The following GABRG2 variants were observed in gnomAD, a reference collection of about 807,000 sequenced individuals.
GABRG2 encodes the protein gamma-aminobutyric acid receptor subunit gamma-2.
A neutral mutation model predicts 56.4 loss-of-function variants in GABRG2; 16 were observed. The ratio of observed to expected loss-of-function variants is 0.28; its 90% confidence interval spans 0.19 to 0.43. GABRG2 has a LOEUF of 0.43. Ranked by LOEUF, GABRG2 falls within the 20% of genes least tolerant of loss-of-function variation. The pLI is 1.00. For synonymous variants in GABRG2, 208 were observed against 205.5 expected, an observed-to-expected ratio of 1.01 and a Z score of -0.10; for missense variants, 327 against 582.7, an observed-to-expected ratio of 0.56 and a Z score of 4.52.
At chr5:162,117,424 T>A (rs1014207350) in intron 6 of GABRG2, among the ~76,000 whole-genome samples, 1 of 152,146 alleles carries the variant, frequency 6.6e-6, no homozygotes, top group African/African-American at 2.4e-5. Flanking sequence ...TTGTCTTGAT[T>A]GTTATTATTC....
rs1187173698 is a variant in GABRG2, at chr5:162,153,373, G to A, written c.*5G>A. ...GTCTCCTACCTCTACCTGTGAGGAG[G>A]TATGGGTTTTACTGATATGGTTCTT... is the stretch of plus-strand genomic sequence containing the variant. On this transcript the variant is annotated 3_prime_UTR_variant, in exon 10 of 10. Transcript: ENST00000639213. The A allele has an allele frequency of 1.8e-5, 29 of 1,613,726 alleles. No individual in the cohort carries two copies. The highest frequency in any genetic ancestry group is 2.4e-5 in the Non-Finnish European group (28 of 1,179,800).
Position 162,077,680 on chromosome 5 carries a change from G to T in GABRG2, c.107+9574G>T, listed in dbSNP as rs142504718. On this transcript the variant is annotated intron_variant, in intron 1 of 9. Coordinates refer to ENST00000639213, the MANE Select transcript of GABRG2 (RefSeq NM_198904.4). Reference sequence around the variant, plus strand: ...GTTAGCAGTTTAAAATAAGAAACACGTCTTATTTTGCAGTGTCTGAGGAGC... The same window carrying T: ...GTTAGCAGTTTAAAATAAGAAACACTTCTTATTTTGCAGTGTCTGAGGAGC... Among the ~76,000 whole-genome samples, 7 of 152,234 alleles carry T rather than the reference G, an allele frequency of 4.6e-5. No homozygotes were observed. The South Asian group carries it at 1.2e-3, about 27-fold the overall frequency.
chr5:162,142,879 C>T (rs1764685283), intron 7 of GABRG2: 1 of 149,520 alleles, frequency 6.7e-6, no homozygotes, highest in Non-Finnish European at 1.5e-5. Flanking sequence ...TGCACATGTA[C>T]CCTAAAACTT....
chr5:162,119,259 G>C (rs145642381), intron 6 of GABRG2, among the ~76,000 whole-genome samples: 2 of 152,102 alleles, frequency 1.3e-5, no homozygotes, highest in Non-Finnish European at 2.9e-5. Context: ...TCTCTATTCT[G>C]TCTGGGGCTG....
chr5:162,102,772 T>C (rs1412457606), intron 5 of GABRG2: 1 of 350,008 alleles, frequency 2.9e-6, no homozygotes, highest in Non-Finnish European at 5.7e-6. Flanking sequence ...TCCTCAATTT[T>C]CATCACATAC....
At position 162,092,438 on chromosome 5, in the gene GABRG2, G is replaced by T. The variant is rs186305092; in HGVS notation, c.108-1390G>T. Among the ~76,000 whole-genome samples, 430 of 152,218 alleles carry T rather than the reference G, an allele frequency of 2.8e-3. 7 individuals carry two copies. Among genetic ancestry groups the T allele is most frequent in the African/African-American group, 1.0e-2 (414 of 41,554 alleles). On this transcript the variant is annotated intron_variant, in intron 1 of 9. Coordinates refer to ENST00000639213, the MANE Select transcript of GABRG2 (RefSeq NM_198904.4). ...TACTGTAATCATTAAGTTGACCCAT[G>T]ACAATAATTACTCTTAAGACTTCAT... is the stretch of plus-strand genomic sequence containing the variant.
intron 5 of GABRG2, chr5:162,103,211 A>G (rs1385663841): frequency 6.5e-6 from 1 of 153,848 alleles, no homozygotes; most frequent in Non-Finnish European, 1.4e-5. Flanking sequence ...TGGCTGGGAA[A>G]TGGTACTCAT....
intron 1 of GABRG2, among the ~76,000 whole-genome samples, chr5:162,084,848 A>T (rs209351): frequency 2.6e-5 from 4 of 151,732 alleles, no homozygotes; most frequent in African/African-American, 9.7e-5. Context: ...AAATGCAGTC[A>T]ATGTGTGTTT....
intron 6 of GABRG2, among the ~76,000 whole-genome samples, chr5:162,140,934 AT>A (rs1764514772): frequency 6.6e-6 from 1 of 152,196 alleles, no homozygotes; most frequent in African/African-American, 2.4e-5. Flanking sequence ...GTCACAATAA[AT>A]TGTTCTCATG....
At chr5:162,152,874 G>A in intron 9 of GABRG2, 1 of 612,250 alleles carries the variant, frequency 1.6e-6, no homozygotes, top group Non-Finnish European at 2.9e-6. Context: ...TTAGCTTGAT[G>A]ATATTATTTT....
At chr5:162,106,538 G>C (rs1761841522) in intron 6 of GABRG2, among the ~76,000 whole-genome samples, 1 of 152,114 alleles carries the variant, frequency 6.6e-6, no homozygotes, top group African/African-American at 2.4e-5. Context: ...AAGCATAGCT[G>C]TGTAACTAAT....
chr5:162,112,694 C>A (rs907958636), intron 6 of GABRG2, among the ~76,000 whole-genome samples: 1 of 151,990 alleles, frequency 6.6e-6, no homozygotes, highest in African/African-American at 2.4e-5. Flanking sequence ...TTTATGAAGG[C>A]CACAACATTG....
chr5:162,072,834 T>C (rs1347944945), intron 1 of GABRG2, among the ~76,000 whole-genome samples: 6 of 152,022 alleles, frequency 3.9e-5, no homozygotes, highest in South Asian at 4.2e-4. Flanking sequence ...AGAAGCAACA[T>C]ACTATAATAA....
At chr5:162,080,312 G>T (rs905496911) in intron 1 of GABRG2, among the ~76,000 whole-genome samples, 1 of 152,040 alleles carries the variant, frequency 6.6e-6, no homozygotes, top group African/African-American at 2.4e-5. Flanking sequence ...GCATATACTG[G>T]CCAGGGAAGG....
chr5:162,139,300 G>A (rs1764373030), intron 6 of GABRG2, among the ~76,000 whole-genome samples: 1 of 152,180 alleles, frequency 6.6e-6, no homozygotes, highest in Non-Finnish European at 1.5e-5. Context: ...TTTGGGCTTG[G>A]GAAATCCACT....
Position 162,151,765 on chromosome 5 carries a change from T to A in GABRG2, c.1152+12T>A. 5 of 1,610,060 alleles carry A rather than the reference T, an allele frequency of 3.1e-6. No individual in the cohort carries two copies. Among genetic ancestry groups the A allele is most frequent in the Non-Finnish European group, 3.4e-6 (4 of 1,177,040 alleles). On this transcript the variant is annotated intron_variant, in intron 9 of 9. Transcript: ENST00000639213. Reference sequence around the variant, plus strand: ...TGTTTTCCTTCAAGGTATAATGTTTTTGGAATGGAAATTCACTGCATGCAA... The same window carrying A: ...TGTTTTCCTTCAAGGTATAATGTTTATGGAATGGAAATTCACTGCATGCAA...
rs1561649623 is a variant in GABRG2, at chr5:162,116,109, C to CGT, written c.769+12083_769+12084insGT. On this transcript the variant is annotated intron_variant, in intron 6 of 9. Coordinates refer to ENST00000639213, the MANE Select transcript of GABRG2 (RefSeq NM_198904.4). ...AATTAAACACCAAGGGGTGTGCGTG[C>CGT]ATGTGTGTGTGTGTGTGTGTGTGTG... 2.2e-3 allele frequency among the ~76,000 whole-genome samples: 279 copies of CGT among 125,568 alleles called. 2 individuals carry two copies. The highest frequency in any genetic ancestry group is 7.7e-3 in the African/African-American group (211 of 27,506). The allele number at this position is 125,568 out of a possible 152,430, so 82.4% of individuals were successfully genotyped here. A position where few individuals can be genotyped will look rare whatever the true frequency, so the allele number is the denominator to read the frequency against.
chr5:162,126,902 TG>T (rs1393487539), intron 6 of GABRG2, among the ~76,000 whole-genome samples: 2 of 151,902 alleles, frequency 1.3e-5, no homozygotes, highest in Admixed American at 6.6e-5. Context: ...CCACTGGGAG[TG>T]GCTTATAGCA....
At chr5:162,102,724 C>T (rs1302292594) in intron 5 of GABRG2, 31 of 393,968 alleles carry the variant, frequency 7.9e-5, no homozygotes, top group East Asian at 3.7e-4. Context: ...AGAGATGGGG[C>T]GTCGCCATGT....
Sources: allele counts gnomAD v4.1 joint callset (sites outside exome capture counted in the v4.1 genomes callset), GRCh38; gene constraint gnomAD v4.1.1; transcripts MANE v1.5; gene names NCBI Gene and HGNC (gene_info 2026-07-23, HGNC 2026-07-21).